The following VWF variants were observed in gnomAD, a reference collection of about 807,000 sequenced individuals.
VWF encodes Factor VIII related antigen.
In VWF, 176 loss-of-function variants were observed where a neutral mutation model predicts 308.6. The observed-to-expected ratio is 0.57, with a 90% confidence interval of 0.50 to 0.65. The LOEUF is 0.65. Among genes scored for constraint, VWF ranks in the 30% least tolerant of loss-of-function variants. The pLI, the probability that VWF is intolerant of heterozygous loss-of-function variation, is 0.00. For missense variants in VWF, 3,146 were observed against 3,648.2 expected, an observed-to-expected ratio of 0.86 and a Z score of 3.55; for synonymous variants, 1,385 against 1,443.4, an observed-to-expected ratio of 0.96 and a Z score of 0.92.
At chr12:6,043,778 T>C (rs1426394606) in intron 18 of VWF, among the ~76,000 whole-genome samples, 1 of 152,196 alleles carries the variant, frequency 6.6e-6, no homozygotes, top group African/African-American at 2.4e-5. Context: ...ACGACTCACA[T>C]TACAGATGAG....
intron 16 of VWF, among the ~76,000 whole-genome samples, chr12:6,051,615 G>C (rs1944513895): frequency 6.6e-6 from 1 of 152,086 alleles, no homozygotes; most frequent in Non-Finnish European, 1.5e-5. Context: ...TAGACTATCA[G>C]GTACTGTGTC....
chr12:6,031,494 G>A lies in VWF; in HGVS notation c.2770C>T (p.Arg924Trp), dbSNP rs61748491. 31 of 1,614,062 alleles carry A rather than the reference G, an allele frequency of 1.9e-5. No individual in the cohort carries two copies. The highest frequency in any genetic ancestry group is 4.5e-5 in the East Asian group (2 of 44,872). ...CSHPSVKCKK[R>W]VTILVEGGEI... ...CCTCCCTCCACCAGGATGGTGACCC[G>A]TTTCTTGCATTTCACTGAGGGGTGG... Residue 924 changes from arginine (R) to tryptophan (W), a missense_variant, in exon 21 of 52, where the codon CGG (arginine) becomes TGG (tryptophan). Around this residue, in one of 3 missense-constraint regions of VWF, gnomAD observed 1,304 missense variants for 1,353.0 expected, o/e 0.96. Transcript: ENST00000261405.
chr12:6,049,221 C>G (rs181082187), intron 16 of VWF, among the ~76,000 whole-genome samples: 1 of 152,172 alleles, frequency 6.6e-6, no homozygotes, highest in Non-Finnish European at 1.5e-5. Context: ...ACACAGGCCC[C>G]GAGGTCCTTC....
chr12:6,034,438 C>A (rs989793857), intron 20 of VWF, among the ~76,000 whole-genome samples: 1 of 152,226 alleles, frequency 6.6e-6, no homozygotes, highest in African/African-American at 2.4e-5. Flanking sequence ...CCACACCAAT[C>A]CTCAACAACA....
rs1196277906 is a variant in VWF, at chr12:6,034,978, TG to T, written c.2547-153del. ...GAAGTTGAGGACCTGTAGCGTGGAG[TG>T]TGGACTTCATAGGCCCAGTATGGTG... is the stretch of plus-strand genomic sequence containing the variant. On this transcript the variant is annotated intron_variant, in intron 19 of 51. Transcript: ENST00000261405. The T allele has an allele frequency of 4.0e-5, 38 of 940,506 alleles. No individual in the cohort carries two copies. In the African/African-American group the frequency reaches 4.6e-4, roughly 11 times the overall value. The allele number at this position is 940,506 out of a possible 1,614,324, so 58.3% of individuals were successfully genotyped here.
At chr12:5,985,493 T>A (rs555116961) in intron 39 of VWF, 70 bp downstream of exon 39, 1 of 1,498,214 alleles carries the variant, frequency 6.7e-7, no homozygotes, top group Admixed American at 1.8e-5. Flanking sequence ...GAGGTGAAGA[T>A]GGGTGGCTGG....
At chr12:5,963,941 C>T (rs981334909) in intron 47 of VWF, among the ~76,000 whole-genome samples, 9 of 152,196 alleles carry the variant, frequency 5.9e-5, no homozygotes, top group East Asian at 1.9e-4. Context: ...GGCGCAGTGG[C>T]TCACGCCTGT....
chr12:6,013,513 A>G lies in VWF; in HGVS notation c.5588T>C (p.Leu1863Ser). The G allele has an allele frequency of 6.2e-7, 1 of 1,614,192 alleles. No individual in the cohort carries two copies. The highest frequency in any genetic ancestry group is 1.3e-5 in the African/African-American group (1 of 75,052). Residue 1863 changes from leucine (L) to serine (S), a missense_variant, in exon 32 of 52, where the codon TTG becomes TCG. Physicochemically the swap from Leu to Ser is moderately radical, Grantham distance 145. Transcript: ENST00000261405. ...RIEDLPTMVTLGNSFLHKLCS... is the reference protein window; with the variant it reads ...RIEDLPTMVTSGNSFLHKLCS... ...CAGTTTGTGGAGGAAGGAATTGCCC[A>G]AGGTGACCATGGTAGGGAGGTCTTC...
At chr12:6,099,352 A>T (rs1945137710) in intron 5 of VWF, among the ~76,000 whole-genome samples, 1 of 151,594 alleles carries the variant, frequency 6.6e-6, no homozygotes, top group Non-Finnish European at 1.5e-5. Context: ...CCAAGGAAGC[A>T]AAAGTTTGTT....
intron 34 of VWF, among the ~76,000 whole-genome samples, chr12:6,000,018 G>A (rs1488095832): frequency 1.3e-5 from 2 of 151,798 alleles, no homozygotes; most frequent in Non-Finnish European, 2.9e-5. Context: ...AAGTATAAAG[G>A]TCAAAGAGAC....
chr12:6,012,669 G>A (rs1217474072), intron 32 of VWF, among the ~76,000 whole-genome samples: 2 of 149,618 alleles, frequency 1.3e-5, no homozygotes, highest in Admixed American at 6.6e-5. Flanking sequence ...CCAGGCCCCC[G>A]CCACAAAAAA....
chr12:6,087,690 A>T (rs1314259254), intron 6 of VWF, among the ~76,000 whole-genome samples: 1 of 152,030 alleles, frequency 6.6e-6, no homozygotes, highest in Non-Finnish European at 1.5e-5. Context: ...AGTCAAGGTC[A>T]CAGCATAACC....
intron 1 of VWF, 145 bp from the exon 2 acceptor site, chr12:6,123,341 G>C: frequency 4.0e-6 from 4 of 1,005,964 alleles, no homozygotes; most frequent in Non-Finnish European, 4.6e-6. Context: ...TTTCCCCTTT[G>C]AACATGGACT....
intron 44 of VWF, among the ~76,000 whole-genome samples, 198 bp from the exon 45 acceptor site, chr12:5,969,589 C>CA (rs1943446729): frequency 6.6e-6 from 1 of 152,222 alleles, no homozygotes; most frequent in African/African-American, 2.4e-5. Context: ...CAGTTTGGGT[C>CA]AAAATCACCT....
chr12:5,956,239 T>C (rs554758490), intron 47 of VWF, among the ~76,000 whole-genome samples: 1 of 152,296 alleles, frequency 6.6e-6, no homozygotes, highest in South Asian at 2.1e-4. Flanking sequence ...ATGTTACTGG[T>C]TTATGAATAC....
At chr12:6,088,293 A>G (rs745886901) in intron 6 of VWF, among the ~76,000 whole-genome samples, 1 of 151,990 alleles carries the variant, frequency 6.6e-6, no homozygotes, top group Non-Finnish European at 1.5e-5. Flanking sequence ...CCTGGCTAAC[A>G]CGGTGAAAAC....
chr12:5,986,050 T>A (rs930947150), intron 38 of VWF, among the ~76,000 whole-genome samples: 1 of 152,138 alleles, frequency 6.6e-6, no homozygotes, highest in Non-Finnish European at 1.5e-5. Flanking sequence ...CTTCAGACAA[T>A]AGGGTAGGAA....
chr12:6,092,637 G>A (rs1245908135), intron 6 of VWF, among the ~76,000 whole-genome samples: 1 of 144,788 alleles, frequency 6.9e-6, no homozygotes, highest in Admixed American at 6.8e-5. Context: ...GTGTGTGTGT[G>A]TGTGTGTGTG....
In VWF at chr12:6,110,547, A is replaced by T; in HGVS notation, c.359T>A (p.Leu120Gln). 1 of 1,614,192 alleles carries T rather than the reference A, an allele frequency of 6.2e-7. No individual in the cohort carries two copies. The change falls in exon 5 of 52, where the codon CTA becomes CAA. Residue 120 changes from leucine (L) to glutamine (Q), a missense_variant. Leu to Gln is a moderately radical substitution (Grantham distance 113). Coordinates refer to ENST00000261405, the MANE Select transcript of VWF (RefSeq NM_000552.5). ...SMPYASKGLY[L>Q]ETEAGYYKLS... is the part of the protein sequence containing the mutation. ...CTTGTAGTACCCAGCCTCAGTTTCT[A>T]GATACAGCCCTTTGGAGGCATAGGG... is the stretch of plus-strand genomic sequence containing the variant.
Sources: allele counts gnomAD v4.1 joint callset (sites outside exome capture counted in the v4.1 genomes callset), GRCh38; gene constraint gnomAD v4.1.1; regional missense constraint gnomAD v4.1.1; transcripts MANE v1.5; gene names NCBI Gene and HGNC (gene_info 2026-07-23, HGNC 2026-07-21).